NELL1: variants seen among roughly 807,000 people sequenced by gnomAD.
NELL1 encodes the protein neural EGFL like 1.
NELL1 carries 76 observed loss-of-function variants against 107.4 expected under a neutral mutation model. That is an observed-to-expected ratio of 0.71 (90% CI 0.59 to 0.86). The LOEUF (loss-of-function observed/expected upper bound fraction) is 0.86. NELL1 is among the 40% of genes least tolerant of loss of function. The pLI is 0.00. For synonymous variants in NELL1, 353 were observed against 341.2 expected, an observed-to-expected ratio of 1.03 and a Z score of -0.38; for missense variants, 1,024 against 1,005.5, an observed-to-expected ratio of 1.02 and a Z score of -0.25.
intron 2 of NELL1, among the ~76,000 whole-genome samples, chr11:20,684,628 T>G (rs1854264394): frequency 6.6e-6 from 1 of 152,174 alleles, no homozygotes; most frequent in Non-Finnish European, 1.5e-5. Flanking sequence ...CTCTTAATTT[T>G]TGATTAATGG....
chr11:20,747,984 G>T (rs532239535), intron 2 of NELL1, among the ~76,000 whole-genome samples: 1 of 152,264 alleles, frequency 6.6e-6, no homozygotes, highest in African/African-American at 2.4e-5. Flanking sequence ...TTTCTGATGG[G>T]TTGGATTGCA....
At chr11:21,450,110 A>G (rs539634427) in intron 15 of NELL1, among the ~76,000 whole-genome samples, 114 of 152,326 alleles carry the variant, frequency 7.5e-4, no homozygotes, top group African/African-American at 2.7e-3. Flanking sequence ...GCTTTAGGTT[A>G]CTTCTGAAAG....
At chr11:21,125,352 C>T (rs1362816211) in intron 13 of NELL1, among the ~76,000 whole-genome samples, 1 of 152,058 alleles carries the variant, frequency 6.6e-6, no homozygotes, top group Non-Finnish European at 1.5e-5. Flanking sequence ...TTTTCTTGGA[C>T]TTTGAAAGAT....
intron 2 of NELL1, among the ~76,000 whole-genome samples, chr11:20,716,219 G>A (rs1336975531): frequency 1.3e-5 from 2 of 152,232 alleles, no homozygotes; most frequent in African/African-American, 4.8e-5. Flanking sequence ...GGGGCCACGT[G>A]CCTGGGGACC....
intron 3 of NELL1, among the ~76,000 whole-genome samples, chr11:20,794,426 A>T (rs1857132024): frequency 6.6e-6 from 1 of 152,212 alleles, no homozygotes; most frequent in African/African-American, 2.4e-5. Flanking sequence ...CTTCATCTCC[A>T]GTTAGAGCTG....
At chr11:21,569,884 C>CTCTT (rs1857058986) in intron 17 of NELL1, among the ~76,000 whole-genome samples, 1 of 151,656 alleles carries the variant, frequency 6.6e-6, no homozygotes, top group Non-Finnish European at 1.5e-5. Flanking sequence ...AGCCCTGAGA[C>CTCTT]TCTTTGGTTT....
chr11:21,167,219 T>A (rs1033702045), intron 13 of NELL1, among the ~76,000 whole-genome samples: 6 of 151,796 alleles, frequency 4.0e-5, no homozygotes, highest in African/African-American at 1.5e-4. Context: ...TAACCTCCAT[T>A]TGTGGTCTGA....
intron 15 of NELL1, among the ~76,000 whole-genome samples, chr11:21,404,853 A>C (rs2133802457): frequency 6.6e-6 from 1 of 152,104 alleles, no homozygotes; most frequent in Admixed American, 6.5e-5. Context: ...GGCTTTCCTC[A>C]GTGGTCCCAA....
intron 13 of NELL1, among the ~76,000 whole-genome samples, chr11:21,159,931 C>T (rs1283576264): frequency 6.6e-6 from 1 of 152,178 alleles, no homozygotes; most frequent in Non-Finnish European, 1.5e-5. Context: ...GACCAACTCT[C>T]AGGACCAGAT....
chr11:21,310,443 C>G (rs369824394), intron 14 of NELL1, among the ~76,000 whole-genome samples: 4 of 152,168 alleles, frequency 2.6e-5, no homozygotes, highest in Non-Finnish European at 1.5e-5. Flanking sequence ...CAAAAACAAA[C>G]ATGGTTTCGG....
At chr11:20,952,610 A>G (rs1011711332) in intron 11 of NELL1, among the ~76,000 whole-genome samples, 4 of 152,212 alleles carry the variant, frequency 2.6e-5, no homozygotes, top group African/African-American at 9.6e-5. Context: ...CTGCATATTG[A>G]TAGATGAGAT....
At chr11:21,245,733 A>C (rs1452684663) in intron 14 of NELL1, among the ~76,000 whole-genome samples, 1 of 151,940 alleles carries the variant, frequency 6.6e-6, no homozygotes, top group Non-Finnish European at 1.5e-5. Flanking sequence ...AAAACATGCA[A>C]TAAAATAGTT....
chr11:21,001,785 G>A (rs1852227498), intron 12 of NELL1, among the ~76,000 whole-genome samples: 1 of 151,898 alleles, frequency 6.6e-6, no homozygotes, highest in South Asian at 2.1e-4. Flanking sequence ...CTTAAGCCTA[G>A]CGAGAACAGC....
intron 4 of NELL1, among the ~76,000 whole-genome samples, chr11:20,865,320 T>A (rs1444045349): frequency 1.3e-5 from 2 of 152,240 alleles, no homozygotes; most frequent in Non-Finnish European, 2.9e-5. Context: ...ATTTGTAAGA[T>A]GAAAAATCAC....
chr11:20,895,271 CAAAAAAAAAAAAAAAAAAAAAAAAAAA>C (rs1156409312), intron 5 of NELL1, among the ~76,000 whole-genome samples: 21 of 10,488 alleles, frequency 2.0e-3, no homozygotes, highest in South Asian at 7.0e-3. Flanking sequence ...GACTCCGTCT[CAAAAAAAAAAAAAAAAAAAAAAAAAAA>C]AAAAAAAAAA....
chr11:20,696,889 A>T (rs186014703), intron 2 of NELL1, among the ~76,000 whole-genome samples: 144 of 152,286 alleles, frequency 9.5e-4, no homozygotes, highest in Non-Finnish European at 1.6e-3. Context: ...ACATAAAACA[A>T]AAGTGAGGTA....
chr11:21,506,647 A>G (rs952395426), intron 15 of NELL1, among the ~76,000 whole-genome samples: 8 of 152,222 alleles, frequency 5.3e-5, no homozygotes, highest in African/African-American at 1.9e-4. Context: ...AGCACATATA[A>G]TAGTTATTAT....
intron 14 of NELL1, among the ~76,000 whole-genome samples, chr11:21,346,735 G>GA (rs1430803933): frequency 4.6e-5 from 7 of 150,666 alleles, no homozygotes; most frequent in East Asian, 1.9e-4. Context: ...TGCTTAACAG[G>GA]AAAAAATCAC....
chr11:21,308,268 G>T (rs183404955), intron 14 of NELL1, among the ~76,000 whole-genome samples: 276 of 152,106 alleles, frequency 1.8e-3, no homozygotes, highest in African/African-American at 6.5e-3. Context: ...GCTAAATGTA[G>T]AAACTGTTAA....
Sources: gnomAD v4.1 joint callset for allele counts (sites outside exome capture counted in the v4.1 genomes callset) on GRCh38, gnomAD v4.1.1 for gene constraint, MANE v1.5 for transcripts, NCBI Gene and HGNC (gene_info 2026-07-23, HGNC 2026-07-21) for gene names.